Variants in ZNF362 observed in about 807,000 individuals in gnomAD.
ZNF362 encodes the protein zinc finger protein 362, also known as rotund homolog.
In ZNF362, 11 loss-of-function variants were observed where a neutral mutation model predicts 42.9. That is an observed-to-expected ratio of 0.26 (90% CI 0.16 to 0.42). ZNF362 has a LOEUF of 0.42. ZNF362 is among the 20% of genes least tolerant of loss of function. The pLI, the probability that ZNF362 is intolerant of heterozygous loss-of-function variation, is 1.00. For synonymous variants in ZNF362, 255 were observed against 257.3 expected (o/e 0.99, Z 0.09); for missense variants, 362 against 576.2 (o/e 0.63, Z 3.81).
the ZNF362 span, among the ~76,000 whole-genome samples, chr1:33,135,557 C>CCATT: frequency 4.6e-3 from 694 of 152,316 alleles, 16 homozygotes; most frequent in East Asian, 0.085. Flanking sequence ...GGCCCACAGC[C>CCATT]CATTGCTTTG....
rs1392048692 is a variant in ZNF362, at chr1:33,281,781, G to A, written c.878G>A (p.Arg293Gln). ...YHCSYCDKSFRQLSHLQQHTR... is the reference protein window; with the variant it reads ...YHCSYCDKSFQQLSHLQQHTR... ...TGCTCCTACTGTGATAAGTCCTTCCGGCAGCTCTCCCACCTCCAGCAGCAC... is the reference window on the plus strand; with the variant it reads ...TGCTCCTACTGTGATAAGTCCTTCCAGCAGCTCTCCCACCTCCAGCAGCAC... Residue 293 changes from arginine (R) to glutamine (Q), a missense_variant, in exon 6 of 9, where the codon CGG becomes CAG. Coordinates refer to ENST00000539719, the MANE Select transcript of ZNF362 (RefSeq NM_152493.3). This position sits in a 1 kb window ranked among gnomAD's most constrained non-coding sequence, Gnocchi z 4.8. The A allele has an allele frequency of 2.5e-6, 4 of 1,614,070 alleles. No homozygotes were observed. Among genetic ancestry groups the A allele is most frequent in the Non-Finnish European group, 3.4e-6 (4 of 1,180,034 alleles).
chr1:33,130,471 A>G, the ZNF362 span, among the ~76,000 whole-genome samples: 38 of 152,290 alleles, frequency 2.5e-4, no homozygotes, highest in East Asian at 7.7e-4. Flanking sequence ...GGGTAGGTCT[A>G]TGTGTCAAAG....
the ZNF362 span, chr1:33,158,422 TGCC>T: frequency 6.6e-7 from 1 of 1,522,918 alleles, no homozygotes. Flanking sequence ...CCTGCCCCAA[TGCC>T]AGGGGCCCCG....
At chr1:33,275,013 C>T in intron 2 of ZNF362, 1 of 985,408 alleles carries the variant, frequency 1.0e-6, no homozygotes, top group Non-Finnish European at 1.2e-6. Flanking sequence ...GTTTCTCAAG[C>T]TCATAGAATC....
At chr1:33,273,006 G>T (rs1222128142) in intron 2 of ZNF362, among the ~76,000 whole-genome samples, 1 of 152,246 alleles carries the variant, frequency 6.6e-6, no homozygotes, top group Non-Finnish European at 1.5e-5. Context: ...CTTAGACAAG[G>T]TCTGAGTGGC....
the ZNF362 span, among the ~76,000 whole-genome samples, chr1:33,233,033 T>G: frequency 6.6e-6 from 1 of 152,268 alleles, no homozygotes; most frequent in Admixed American, 6.5e-5. Context: ...TGAGGTTATG[T>G]GGCTTGTCCA....
At chr1:33,203,040 A>T in the ZNF362 span, among the ~76,000 whole-genome samples, 1 of 152,234 alleles carries the variant, frequency 6.6e-6, no homozygotes, top group South Asian at 2.1e-4. Context: ...ATATAATACA[A>T]TATTATTAGT....
At chr1:33,259,847 T>A (rs1297794182) in intron 1 of ZNF362, among the ~76,000 whole-genome samples, 3 of 152,190 alleles carry the variant, frequency 2.0e-5, no homozygotes, top group Non-Finnish European at 2.9e-5. Flanking sequence ...CCATAAACCA[T>A]CACAGTGGTA....
At chr1:33,246,525 G>T in the ZNF362 span, among the ~76,000 whole-genome samples, 3 of 152,314 alleles carry the variant, frequency 2.0e-5, 1 homozygote, top group East Asian at 3.9e-4. Context: ...GATCAGAGTG[G>T]ATGCTCACAT....
At chr1:33,153,607 C>A in the ZNF362 span, among the ~76,000 whole-genome samples, 1 of 152,124 alleles carries the variant, frequency 6.6e-6, no homozygotes. Context: ...GTTGAGAAAC[C>A]CTGCACTGGG....
At chr1:33,238,474 C>T in the ZNF362 span, among the ~76,000 whole-genome samples, 4,889 of 151,806 alleles carry the variant, frequency 0.032, 259 homozygotes, top group African/African-American at 0.11. Flanking sequence ...GTCATGTGAC[C>T]GTGGCTGAAC....
the ZNF362 span, among the ~76,000 whole-genome samples, chr1:33,210,135 C>G: frequency 2.6e-5 from 4 of 152,094 alleles, no homozygotes; most frequent in African/African-American, 9.7e-5. Context: ...TGTCTTTGTT[C>G]TTATTGGTTT....
the ZNF362 span, among the ~76,000 whole-genome samples, chr1:33,156,523 T>G: frequency 1.3e-5 from 2 of 152,340 alleles, no homozygotes; most frequent in South Asian, 4.1e-4. Flanking sequence ...CTCCTATCCC[T>G]CTGACTGCTC....
chr1:33,172,379 G>A, the ZNF362 span, among the ~76,000 whole-genome samples: 3 of 152,122 alleles, frequency 2.0e-5, no homozygotes, highest in Non-Finnish European at 2.9e-5. Context: ...CCACCCTCAC[G>A]TGTGCAGGAA....
chr1:33,231,826 C>T, the ZNF362 span, among the ~76,000 whole-genome samples: 1 of 152,146 alleles, frequency 6.6e-6, no homozygotes, highest in Non-Finnish European at 1.5e-5. Flanking sequence ...CTCCCTCAGC[C>T]CTACTAAGGC....
At chr1:33,183,048 G>A in the ZNF362 span, among the ~76,000 whole-genome samples, 2 of 152,170 alleles carry the variant, frequency 1.3e-5, no homozygotes, top group Non-Finnish European at 2.9e-5. Flanking sequence ...CTGAATAACC[G>A]CATCAACGCC....
Position 33,280,591 on chromosome 1 carries a change from G to A in ZNF362, c.683+134G>A. 2.1e-6 allele frequency: 3 copies of A among 1,421,634 alleles called. No individual in the cohort carries two copies. The highest frequency in any genetic ancestry group is 2.9e-5 in the African/African-American group (2 of 69,382). 88.1% of individuals were successfully genotyped at this position (1,421,634 alleles called of 1,614,324 possible). A position where few individuals can be genotyped will look rare whatever the true frequency, so the allele number is the denominator to read the frequency against. ...GGGCAGGGCTAGGGTCCAGAGGGGC[G>A]GGGCCTTCTGGAGAGCCCCACCCAC... On this transcript the variant is annotated intron_variant, in intron 5 of 8. Transcript: ENST00000539719. This position sits in a 1 kb window ranked among gnomAD's most constrained non-coding sequence, Gnocchi z 5.6.
At chr1:33,140,615 C>G in the ZNF362 span, among the ~76,000 whole-genome samples, 4 of 152,220 alleles carry the variant, frequency 2.6e-5, no homozygotes, top group African/African-American at 9.7e-5. The surrounding 1 kb of genome is among the most constrained non-coding windows in gnomAD (Gnocchi z 4.0). Context: ...TCAGGGAACC[C>G]CCTTGGGCCA....
At chr1:33,160,733 T>TGGGGCTCATTCAG in the ZNF362 span, among the ~76,000 whole-genome samples, 1 of 152,122 alleles carries the variant, frequency 6.6e-6, no homozygotes, top group South Asian at 2.1e-4. Flanking sequence ...AAATCATTCA[T>TGGGGCTCATTCAG]GGGGCTCATT....
Sources: gnomAD v4.1 joint callset for allele counts (sites outside exome capture counted in the v4.1 genomes callset) on GRCh38, gnomAD v4.1.1 for gene constraint, Gnocchi (gnomAD v3.1) non-coding constraint, MANE v1.5 for transcripts, NCBI Gene and HGNC (gene_info 2026-07-23, HGNC 2026-07-21) for gene names.